Variants in G3BP2 observed in about 807,000 individuals in gnomAD.
G3BP2 encodes the protein G3BP stress granule assembly factor 2.
A neutral mutation model predicts 56.7 loss-of-function variants in G3BP2; 11 were observed. The ratio of observed to expected loss-of-function variants is 0.19; its 90% CI spans 0.12 to 0.32. G3BP2 has a LOEUF of 0.32. Ranked by LOEUF, G3BP2 falls within the 10% of genes least tolerant of loss-of-function variation. The pLI, the probability that G3BP2 is intolerant of heterozygous loss-of-function variation, is 1.00. For missense variants in G3BP2, 340 were observed against 610.9 expected (o/e 0.56, Z 4.67); for synonymous variants, 165 against 191.6 (o/e 0.86, Z 1.15).
chr4:75,722,667 T>C (rs1253472584), intron 1 of G3BP2, among the ~76,000 whole-genome samples: 1 of 152,158 alleles, frequency 6.6e-6, no homozygotes, highest in Non-Finnish European at 1.5e-5. Flanking sequence ...AATGCTCCCA[T>C]GGAAAATGTC....
At chr4:75,652,861 G>A (rs1378931942) in intron 8 of G3BP2, among the ~76,000 whole-genome samples, 1 of 152,164 alleles carries the variant, frequency 6.6e-6, no homozygotes, top group Non-Finnish European at 1.5e-5. Flanking sequence ...AAAGGCATAA[G>A]CACTAGCTAT....
chr4:75,700,062 A>T (rs1719277792), intron 3 of G3BP2, among the ~76,000 whole-genome samples: 1 of 150,854 alleles, frequency 6.6e-6, no homozygotes, highest in Non-Finnish European at 1.5e-5. Context: ...TATGATATGA[A>T]TTTTTTTTTT....
chr4:75,647,420 T>C (rs765922097), intron 9 of G3BP2, among the ~76,000 whole-genome samples: 6 of 152,200 alleles, frequency 3.9e-5, no homozygotes, highest in Admixed American at 1.3e-4. Flanking sequence ...CAAATATTAG[T>C]ACTACAGGTA....
In G3BP2 at chr4:75,694,280, G is replaced by T. The variant is rs533250985; in HGVS notation, c.-25+26597C>A. ...AAGGTACCTGAAGGTACTTTCCCAT[G>T]CAACAACATGATCAGGACGAGTGTT... On this transcript the variant is annotated intron_variant, in intron 3 of 3. Transcript: ENST00000499709. Among the ~76,000 whole-genome samples the T allele has an allele frequency of 5.9e-5, 9 of 152,308 alleles. No homozygotes were observed. The South Asian group carries it at 1.9e-3, about 32-fold the overall frequency.
In G3BP2 at chr4:75,645,385, CGAT is replaced by C. The variant is rs1731139993; in HGVS notation, c.*42_*44del. 6.5e-7 allele frequency: 1 copy of C among 1,547,094 alleles called. No individual in the cohort carries two copies. The highest frequency in any genetic ancestry group is 1.4e-5 in the African/African-American group (1 of 72,184). On this transcript the variant is annotated 3_prime_UTR_variant, in exon 12 of 12. Coordinates refer to ENST00000359707, the MANE Select transcript of G3BP2 (RefSeq NM_203505.3). ...AAAAAAATTAACAAGAATGCAAACA[CGAT>C]GAATAATGTACCACTGCCAAGACTT...
intron 3 of G3BP2, among the ~76,000 whole-genome samples, chr4:75,688,710 C>G (rs1275803976): frequency 6.6e-6 from 1 of 152,156 alleles, no homozygotes; most frequent in African/African-American, 2.4e-5. Flanking sequence ...TTGGATGATC[C>G]ATAAAAAGAA....
chr4:75,670,283 G>A (rs981248089), intron 1 of G3BP2: 3 of 152,084 alleles, frequency 2.0e-5, no homozygotes, highest in Non-Finnish European at 4.4e-5. Flanking sequence ...ACAGCTAAAT[G>A]CATATTAATA....
chr4:75,673,602 C>G (rs1733702718), upstream of G3BP2: 2 of 1,231,678 alleles, frequency 1.6e-6, no homozygotes, highest in African/African-American at 1.5e-5. Context: ...AGCCGGGGAA[C>G]CGGAACCGGC....
intron 1 of G3BP2, among the ~76,000 whole-genome samples, chr4:75,667,805 G>C (rs1219835946): frequency 6.6e-6 from 1 of 152,168 alleles, no homozygotes; most frequent in Non-Finnish European, 1.5e-5. Context: ...CAGCAGAATT[G>C]CTTGAACTCA....
rs375482927 is a variant in G3BP2, at chr4:75,645,356, CA to C, written c.*73del. 4.9e-3 allele frequency: 6,157 copies of C among 1,257,020 alleles called. No homozygotes were observed. The highest frequency in any genetic ancestry group is 7.6e-3 in the South Asian group (463 of 60,948). 77.9% of individuals were successfully genotyped at this position (1,257,020 alleles called of 1,614,324 possible). A position where few individuals can be genotyped will look rare whatever the true frequency, so the allele number is the denominator to read the frequency against. ...AAAAGGCTGTGTCACATTCCAAAGCCAAAAAAAAAATTAACAAGAATGCAAA... is the reference window on the plus strand; with the variant it reads ...AAAAGGCTGTGTCACATTCCAAAGCCAAAAAAAAATTAACAAGAATGCAAA... On this transcript the variant is annotated 3_prime_UTR_variant, in exon 12 of 12. Coordinates refer to ENST00000359707, the MANE Select transcript of G3BP2 (RefSeq NM_203505.3).
chr4:75,705,804 T>C (rs921040345), intron 3 of G3BP2, among the ~76,000 whole-genome samples: 1 of 152,144 alleles, frequency 6.6e-6, no homozygotes, highest in Non-Finnish European at 1.5e-5. Flanking sequence ...AGAACAGGTG[T>C]AACAGCCTCT....
intron 8 of G3BP2, among the ~76,000 whole-genome samples, chr4:75,652,285 G>C (rs1481940715): frequency 6.6e-6 from 1 of 152,152 alleles, no homozygotes; most frequent in Non-Finnish European, 1.5e-5. Context: ...TGCAAATACA[G>C]ATAAGATACA....
intron 2 of G3BP2, 55 bp from the exon 3 acceptor site, chr4:75,658,979 C>G: frequency 1.5e-6 from 2 of 1,333,772 alleles, no homozygotes; most frequent in Non-Finnish European, 2.2e-6. Flanking sequence ...GCCTAAGAAG[C>G]AGAATTCTGG....
chr4:75,662,535 A>C (rs1732648189), intron 1 of G3BP2: 1 of 152,182 alleles, frequency 6.6e-6, no homozygotes, highest in African/African-American at 2.4e-5. Flanking sequence ...CCTGAAATAA[A>C]TTTTCTTAGT....
At chr4:75,675,024 G>A (rs1733814211), upstream of G3BP2, among the ~76,000 whole-genome samples, 1 of 151,916 alleles carries the variant, frequency 6.6e-6, no homozygotes, top group Non-Finnish European at 1.5e-5. Context: ...CACCCGGCCA[G>A]TAGTTGCTAT....
chr4:75,678,095 T>TA (rs1274392547), upstream of G3BP2, among the ~76,000 whole-genome samples: 4 of 152,250 alleles, frequency 2.6e-5, no homozygotes. Context: ...TTTAGAACTA[T>TA]AAGCAATAAG....
intron 1 of G3BP2, chr4:75,723,995 G>C (rs998937400): frequency 1.3e-5 from 2 of 152,116 alleles, no homozygotes; most frequent in African/African-American, 4.8e-5. Flanking sequence ...TATTTCTCTA[G>C]TAAGCTAAAT....
At chr4:75,680,672 G>C (rs1042477129) in intron 3 of G3BP2, among the ~76,000 whole-genome samples, 11 of 152,162 alleles carry the variant, frequency 7.2e-5, no homozygotes, top group Non-Finnish European at 1.0e-4. Context: ...GCAGTGTAAA[G>C]AAACTGTGGC....
In G3BP2 at chr4:75,698,865, T is replaced by G. The variant is rs1241732103; in HGVS notation, c.-25+22012A>C. ...TGCATGCCACCACACCTGGCTAATTTTTAAATTTTTATAGAGATGGGGGTC... is the reference window on the plus strand; with the variant it reads ...TGCATGCCACCACACCTGGCTAATTGTTAAATTTTTATAGAGATGGGGGTC... On this transcript the variant is annotated intron_variant, in intron 3 of 3. Transcript: ENST00000499709. Among the ~76,000 whole-genome samples, 7 of 152,162 alleles carry G rather than the reference T, an allele frequency of 4.6e-5. No individual in the cohort carries two copies. The East Asian group carries it at 1.4e-3, about 29-fold the overall frequency.
Sources: allele counts gnomAD v4.1 joint callset (sites outside exome capture counted in the v4.1 genomes callset), GRCh38; gene constraint gnomAD v4.1.1; transcripts MANE v1.5; gene names NCBI Gene and HGNC (gene_info 2026-07-23, HGNC 2026-07-21).